The following SEPTIN14 variants were observed in gnomAD, a reference collection of about 807,000 sequenced individuals.
SEPTIN14 encodes the protein septin-14.
A neutral mutation model predicts 53.6 loss-of-function variants in SEPTIN14; 40 were observed. That is an observed-to-expected ratio of 0.75 (90% CI 0.58 to 0.97). The LOEUF is 0.97. Ranked by LOEUF, SEPTIN14 falls within the 50% of genes least tolerant of loss-of-function variation. The pLI, the probability that SEPTIN14 is intolerant of heterozygous loss-of-function variation, is 0.00. For synonymous variants in SEPTIN14, 138 were observed against 166.8 expected (o/e 0.83, Z 1.33); for missense variants, 471 against 508.2 (o/e 0.93, Z 0.70).
intron 3 of SEPTIN14, among the ~76,000 whole-genome samples, chr7:55,845,778 G>A (rs1393518689): frequency 4.0e-5 from 6 of 151,744 alleles, no homozygotes; most frequent in Non-Finnish European, 7.4e-5. Flanking sequence ...GGCCGGGTGC[G>A]GTGGCTCACG....
At position 55,846,547 on chromosome 7, in the gene SEPTIN14, G is replaced by A. The variant is rs745763171; in HGVS notation, c.145C>T (p.Gln49Ter). ...CAGAGAATATTAAAAGTGAATCCTTGTCGGATAGATCTGCTCACCAACTGA... is the reference window on the plus strand; with the variant it reads ...CAGAGAATATTAAAAGTGAATCCTTATCGGATAGATCTGCTCACCAACTGA... ...PNQLVSRSIR[Q>*]GFTFNILCVG... The change falls in exon 3 of 10, where the codon CAA (glutamine) becomes TAA (stop). Residue 49 changes from glutamine to a stop codon, truncating the protein, a stop_gained. Coordinates refer to ENST00000388975, the MANE Select transcript of SEPTIN14 (RefSeq NM_207366.3). LOFTEE classifies it high-confidence loss of function. The A allele has an allele frequency of 6.3e-7, 1 of 1,597,546 alleles. No homozygotes were observed. Among genetic ancestry groups the A allele is most frequent in the Non-Finnish European group, 8.5e-7 (1 of 1,170,068 alleles).
At chr7:55,819,993 C>A (rs574839345) in intron 6 of SEPTIN14, among the ~76,000 whole-genome samples, 4 of 151,946 alleles carry the variant, frequency 2.6e-5, no homozygotes, top group Admixed American at 2.6e-4. Flanking sequence ...CTGTATATGT[C>A]TCAATAAATT....
chr7:55,814,865 A>C (rs1788765214), intron 7 of SEPTIN14, among the ~76,000 whole-genome samples: 1 of 152,216 alleles, frequency 6.6e-6, no homozygotes, highest in South Asian at 2.1e-4. Flanking sequence ...ATAACACTGG[A>C]GGAATCGCAT....
At chr7:55,797,164 A>G (rs1030809862) in intron 9 of SEPTIN14, among the ~76,000 whole-genome samples, 8 of 152,108 alleles carry the variant, frequency 5.3e-5, no homozygotes, top group African/African-American at 1.7e-4. Flanking sequence ...AAAGCCAATG[A>G]GACACCATTA....
intron 6 of SEPTIN14, among the ~76,000 whole-genome samples, chr7:55,826,655 A>T (rs974191652): frequency 1.3e-5 from 2 of 151,924 alleles, no homozygotes; most frequent in African/African-American, 4.8e-5. Context: ...AAAATTAGCC[A>T]ATGTGATATA....
At chr7:55,846,199 A>G (rs1337060980) in intron 3 of SEPTIN14, among the ~76,000 whole-genome samples, 2 of 150,240 alleles carry the variant, frequency 1.3e-5, no homozygotes, top group Non-Finnish European at 3.0e-5. Flanking sequence ...TCAATTTTTA[A>G]CAATCACTAC....
intron 6 of SEPTIN14, among the ~76,000 whole-genome samples, chr7:55,832,342 A>T (rs143449421): frequency 9.9e-5 from 15 of 152,202 alleles, no homozygotes; most frequent in African/African-American, 3.6e-4. Context: ...TATGAAAAAC[A>T]GCATAGAGAT....
chr7:55,837,676 G>A (rs574728990), intron 5 of SEPTIN14, among the ~76,000 whole-genome samples: 1 of 151,684 alleles, frequency 6.6e-6, no homozygotes, highest in African/African-American at 2.4e-5. Flanking sequence ...CTCTGCCTGC[G>A]GGTTCAAGCA....
Position 55,844,718 on chromosome 7 carries a change from C to T in SEPTIN14, c.176G>A (p.Gly59Glu), listed in dbSNP as rs1236292651. Residue 59 changes from glycine (G) to glutamate (E), a missense_variant and splice_region_variant, in exon 4 of 10, where the codon GGG becomes GAG. Physicochemically the swap from Gly to Glu is moderately conservative, Grantham distance 98. Transcript: ENST00000388975. Reference sequence around the variant, plus strand: ...TGTCGATTTTCCAATTCCAGTCTCCCCTGTAATAGACATAGAGTCATTGTC... The same window carrying T: ...TGTCGATTTTCCAATTCCAGTCTCCTCTGTAATAGACATAGAGTCATTGTC... ...QGFTFNILCV[G>E]ETGIGKSTLI... 1.9e-6 allele frequency: 3 copies of T among 1,547,156 alleles called. No individual in the cohort carries two copies. Among genetic ancestry groups the T allele is most frequent in the African/African-American group, 2.7e-5 (2 of 73,908 alleles).
At chr7:55,845,741 G>T (rs949787362) in intron 3 of SEPTIN14, among the ~76,000 whole-genome samples, 1 of 151,806 alleles carries the variant, frequency 6.6e-6, no homozygotes, top group Non-Finnish European at 1.5e-5. Flanking sequence ...TTCAAAGACT[G>T]GGATGGCCTT....
At position 55,795,880 on chromosome 7, in the gene SEPTIN14, A is replaced by G. The variant is rs771815530; in HGVS notation, c.*33T>C. On this transcript the variant is annotated 3_prime_UTR_variant, in exon 10 of 10. Transcript: ENST00000388975. ...ATCTCACAGGAAGTTGCGATGTAGA[A>G]TGATAGGGCTCTCAGAATAGTAAGA... The G allele has an allele frequency of 4.1e-6, 6 of 1,468,198 alleles. No homozygotes were observed. Among genetic ancestry groups the G allele is most frequent in the Middle Eastern group, 2.4e-4 (1 of 4,164 alleles). 90.9% of individuals were successfully genotyped at this position (1,468,198 alleles called of 1,614,324 possible).
intron 6 of SEPTIN14, among the ~76,000 whole-genome samples, chr7:55,823,812 C>A (rs1584259494): frequency 1.3e-5 from 2 of 152,258 alleles, no homozygotes; most frequent in South Asian, 4.1e-4. Flanking sequence ...TTGCAAGCTG[C>A]CTGTTGCCTC....
At position 55,807,125 on chromosome 7, in the gene SEPTIN14, G is replaced by T. The variant is rs1337387197; in HGVS notation, c.951C>A (p.Gly317=). Residue 317 remains glycine (G), a synonymous_variant, in exon 8 of 10, where the codon GGC becomes GGA. Coordinates refer to ENST00000388975, the MANE Select transcript of SEPTIN14 (RefSeq NM_207366.3). ...CYRYQKLQKM[G]FTDVGPNNQP... ...GGTTGTTTGGACCCACATCTGTAAA[G>T]CCCATTTTCTGCAGTTTTTGGTACC... The T allele has an allele frequency of 6.2e-7, 1 of 1,602,978 alleles. No individual in the cohort carries two copies.
At chr7:55,838,454 T>C (rs1345831935) in intron 5 of SEPTIN14, among the ~76,000 whole-genome samples, 1 of 151,868 alleles carries the variant, frequency 6.6e-6, no homozygotes. Context: ...TTCTCTTTCT[T>C]CCTTTTCTTT....
chr7:55,820,966 T>C (rs142124112), intron 6 of SEPTIN14, among the ~76,000 whole-genome samples: 3 of 152,142 alleles, frequency 2.0e-5, no homozygotes, highest in Non-Finnish European at 4.4e-5. Flanking sequence ...AAGAAAATTA[T>C]CATCTTTCAA....
At position 55,809,309 on chromosome 7, in the gene SEPTIN14, CTTTTTTTT is replaced by C. The variant is rs780613537; in HGVS notation, c.818-2059_818-2052del. On this transcript the variant is annotated intron_variant, in intron 7 of 9. Transcript: ENST00000388975. ...GAGGACAGAAAAGCTACTATGCTTA[CTTTTTTTT>C]TTTTTTTTTTTTTTGGTTAGTATAT... Among the ~76,000 whole-genome samples the C allele has an allele frequency of 7.5e-3, 662 of 88,668 alleles. 10 individuals are homozygous for C. Among genetic ancestry groups the C allele is most frequent in the African/African-American group, 0.028 (603 of 21,766 alleles). 58.2% of individuals were successfully genotyped at this position (88,668 alleles called of 152,430 possible).
chr7:55,825,945 A>G (rs1477464534), intron 6 of SEPTIN14, among the ~76,000 whole-genome samples: 1 of 152,126 alleles, frequency 6.6e-6, no homozygotes, highest in African/African-American at 2.4e-5. Flanking sequence ...TAATCAAAAT[A>G]CAAAAAATTA....
chr7:55,815,714 T>A (rs1252403602), intron 7 of SEPTIN14, among the ~76,000 whole-genome samples: 3 of 152,152 alleles, frequency 2.0e-5, no homozygotes, highest in Non-Finnish European at 4.4e-5. Flanking sequence ...CTGGTGAGGA[T>A]GTGGAGAAAA....
At position 55,805,257 on chromosome 7, in the gene SEPTIN14, CCT is replaced by C. The variant is rs1435221803; in HGVS notation, c.1118_1119del (p.Glu373AlafsTer9). Reference protein sequence around the residue: ...KEATFKEAEKELQDKFEHLKM... With the variant: ...KEATFKEAEKXLQDKFEHLKM... ...AATTATATCAAACTGTCAGTACTAA[CCT>C]CTTTTTCAGCTTCTTTAAATGTTGC... On this transcript the variant is annotated frameshift_variant and splice_region_variant, in exon 9 of 10. Coordinates refer to ENST00000388975, the MANE Select transcript of SEPTIN14 (RefSeq NM_207366.3). LOFTEE classifies it high-confidence loss of function. 1 of 1,611,164 alleles carries C rather than the reference CCT, an allele frequency of 6.2e-7. No individual in the cohort carries two copies. The highest frequency in any genetic ancestry group is 1.1e-5 in the South Asian group (1 of 90,780).
Sources: gnomAD v4.1 joint callset for allele counts (sites outside exome capture counted in the v4.1 genomes callset) on GRCh38, gnomAD v4.1.1 for gene constraint, MANE v1.5 for transcripts, NCBI Gene and HGNC (gene_info 2026-07-23, HGNC 2026-07-21) for gene names.